The following ABCA1 variants were observed in gnomAD, a reference collection of about 807,000 sequenced individuals.
ABCA1 encodes phospholipid-transporting ATPase ABCA1.
A neutral mutation model predicts 262.5 loss-of-function variants in ABCA1; 133 were observed. That is an observed-to-expected ratio of 0.51 (90% CI 0.44 to 0.59). ABCA1 has a LOEUF of 0.59. Ranked by LOEUF, ABCA1 falls within the 20% of genes least tolerant of loss-of-function variation. The pLI is 0.00. For missense variants in ABCA1, 2,452 were observed against 2,777.5 expected (o/e 0.88, Z 2.63); for synonymous variants, 1,022 against 1,043.5 (o/e 0.98, Z 0.40).
At position 104,831,702 on chromosome 9, in the gene ABCA1, G is replaced by A. The variant is rs9282539; in HGVS notation, c.1635C>T (p.Ser545=). The change falls in exon 13 of 50, where the codon AGC becomes AGT. Residue 545 remains serine, a synonymous_variant. Coordinates refer to ENST00000374736, the MANE Select transcript of ABCA1 (RefSeq NM_005502.4). The part of the protein sequence containing the change: ...GIVFTGITPG[S]IELPHHVKYK... ...ACTTGACATGATGGGGCAGCTCAAT[G>A]CTGCCTGGAGTAATTCCAGTGAACA... 2,477 of 1,614,188 alleles carry A rather than the reference G, an allele frequency of 1.5e-3. 32 individuals carry two copies. The African/African-American group carries it at 0.027, about 18-fold the overall frequency.
rs1828615115 is a variant in ABCA1 at position 104,782,733 on chromosome 9, A to G, written c.*1582T>C. 1 of 152,322 alleles carries G rather than the reference A, an allele frequency of 6.6e-6. No individual in the cohort carries two copies. Among genetic ancestry groups the G allele is most frequent in the East Asian group, 1.9e-4 (1 of 5,190 alleles). The allele number at this position is 152,322 out of a possible 1,614,324, so 9.4% of individuals were successfully genotyped here. On this transcript the variant is annotated 3_prime_UTR_variant, in exon 50 of 50. Transcript: ENST00000374736. ...CAATTATTTGAAGGTACTAAATGCC[A>G]TAAACACAAGTTGTGTTTTTCAGCA...
intron 6 of ABCA1, 55 bp downstream of exon 6, chr9:104,861,624 C>T (rs202161597): frequency 5.0e-6 from 8 of 1,611,450 alleles, no homozygotes; most frequent in Non-Finnish European, 5.9e-6. Flanking sequence ...TTTCCAGTAG[C>T]TGCACAACGT....
At chr9:104,869,459 T>C (rs183278566) in intron 5 of ABCA1, among the ~76,000 whole-genome samples, 80 of 152,288 alleles carry the variant, frequency 5.3e-4, no homozygotes, top group African/African-American at 1.8e-3. Flanking sequence ...TTCTCTGTTA[T>C]ACAAGGGCTG....
chr9:104,800,598 A>G lies in ABCA1; in HGVS notation c.4699-14T>C, dbSNP rs1830245355. On this transcript the variant is annotated splice_polypyrimidine_tract_variant and intron_variant, in intron 34 of 49. Coordinates refer to ENST00000374736, the MANE Select transcript of ABCA1 (RefSeq NM_005502.4). ...TGCAGAACTGTCCTGTAAACAACAG[A>G]AACCTGCCTCAGTTGTGACTGTTCA... is the stretch of plus-strand genomic sequence containing the variant. 6.2e-7 allele frequency: 1 copy of G among 1,613,826 alleles called. No homozygotes were observed. Among genetic ancestry groups the G allele is most frequent in the African/African-American group, 1.3e-5 (1 of 74,946 alleles).
rs77663187 is a variant in ABCA1, at chr9:104,794,512, T to TA, written c.5383-3dup. On this transcript the variant is annotated splice_polypyrimidine_tract_variant and splice_region_variant and intron_variant, in intron 39 of 49. Transcript: ENST00000374736. ...GATATCATTGATATTATTCAGCTTC[T>TA]AAAAAAAAAAAAAAAAAATGGGAGG... The TA allele has an allele frequency of 0.1, 124,513 of 1,250,102 alleles. 3,492 individuals carry two copies. Among genetic ancestry groups the TA allele is most frequent in the African/African-American group, 0.27 (16,438 of 60,750 alleles). 77.4% of individuals were successfully genotyped at this position (1,250,102 alleles called of 1,614,324 possible). A position where few individuals can be genotyped will look rare whatever the true frequency, so the allele number is the denominator to read the frequency against.
intron 5 of ABCA1, among the ~76,000 whole-genome samples, chr9:104,873,181 C>T (rs1007411408): frequency 2.0e-5 from 3 of 152,220 alleles, no homozygotes; most frequent in South Asian, 4.1e-4. Context: ...ACATACAGAA[C>T]GTGAATTGCA....
In ABCA1 at chr9:104,814,490, A is replaced by G; in HGVS notation, c.3739-15T>C. ...TTGAGGAATATCTGGAAAATGAGAG[A>G]GATGAGAACATTATAAGCACCAACA... On this transcript the variant is annotated splice_polypyrimidine_tract_variant and intron_variant, in intron 25 of 49. Coordinates refer to ENST00000374736, the MANE Select transcript of ABCA1 (RefSeq NM_005502.4). The G allele has an allele frequency of 6.2e-7, 1 of 1,613,566 alleles. No homozygotes were observed. The highest frequency in any genetic ancestry group is 8.5e-7 in the Non-Finnish European group (1 of 1,179,480).
intron 5 of ABCA1, among the ~76,000 whole-genome samples, chr9:104,869,257 A>G (rs576157700): frequency 2.0e-5 from 3 of 150,712 alleles, no homozygotes; most frequent in African/African-American, 7.3e-5. Context: ...AAGGAGAAGT[A>G]GGGAAAATCA....
chr9:104,886,665 G>C (rs1839202992), intron 3 of ABCA1, among the ~76,000 whole-genome samples: 1 of 152,232 alleles, frequency 6.6e-6, no homozygotes, highest in South Asian at 2.1e-4. Flanking sequence ...AGGTATTTCA[G>C]GTTATCCCTT....
At chr9:104,866,551 G>A (rs1302820077) in intron 5 of ABCA1, among the ~76,000 whole-genome samples, 1 of 151,586 alleles carries the variant, frequency 6.6e-6, no homozygotes, top group African/African-American at 2.4e-5. Flanking sequence ...CCCGCTCTTG[G>A]CTCATTGCAA....
Position 104,788,386 on chromosome 9 carries a change from T to C in ABCA1, c.6069+40A>G, listed in dbSNP as rs374057848. ...AGCCATAAGGTATATATTGTCAGGA[T>C]GCCAAAGGAGACAGGCTGGCTTTCA... is the stretch of plus-strand genomic sequence containing the variant. On this transcript the variant is annotated intron_variant, in intron 45 of 49. Coordinates refer to ENST00000374736, the MANE Select transcript of ABCA1 (RefSeq NM_005502.4). The C allele has an allele frequency of 2.5e-6, 4 of 1,613,958 alleles. No homozygotes were observed. The South Asian group carries it at 4.4e-5, about 18-fold the overall frequency.
intron 27 of ABCA1, among the ~76,000 whole-genome samples, chr9:104,813,567 C>T (rs1306550101): frequency 6.6e-6 from 1 of 152,182 alleles, no homozygotes; most frequent in African/African-American, 2.4e-5. Flanking sequence ...GCATGTGCCA[C>T]CACACTCGGC....
intron 1 of ABCA1, among the ~76,000 whole-genome samples, chr9:104,906,385 C>T (rs1313224352): frequency 6.6e-6 from 1 of 152,106 alleles, no homozygotes; most frequent in African/African-American, 2.4e-5. Context: ...TTTTCTTGGA[C>T]AGCATTTTCT....
At chr9:104,787,831 T>C in intron 46 of ABCA1, 89 bp downstream of exon 46, 1 of 1,613,154 alleles carries the variant, frequency 6.2e-7, no homozygotes, top group Non-Finnish European at 8.5e-7. Context: ...AAGCCAATCA[T>C]ACAACAGCCC....
intron 1 of ABCA1, among the ~76,000 whole-genome samples, chr9:104,921,557 G>A (rs555720640): frequency 3.3e-5 from 5 of 152,298 alleles, no homozygotes; most frequent in Admixed American, 2.0e-4. Flanking sequence ...TCTACAAAAA[G>A]TAACCTGGCC....
Position 104,787,953 on chromosome 9 carries a change from C to T in ABCA1, c.6171G>A (p.Met2057Ile), listed in dbSNP as rs1829069250. The T allele has an allele frequency of 6.2e-7, 1 of 1,614,102 alleles. No individual in the cohort carries two copies. The highest frequency in any genetic ancestry group is 1.3e-5 in the African/African-American group (1 of 74,932). The change falls in exon 46 of 50, where the codon ATG (methionine) becomes ATA (isoleucine). Residue 2057 changes from methionine (M) to isoleucine (I), a missense_variant. Coordinates refer to ENST00000374736, the MANE Select transcript of ABCA1 (RefSeq NM_005502.4). ...GGNKRKLSTA[M>I]ALIGGPPVVF... is the part of the protein sequence containing the mutation. ...CCACAGGAGGCCCGCCGATCAAAGC[C>T]ATGGCTGTAGAGAGCTTGCGTTTGT...
At chr9:104,855,108 A>G (rs1251343249) in intron 7 of ABCA1, 1 of 971,486 alleles carries the variant, frequency 1.0e-6, no homozygotes, top group Non-Finnish European at 1.2e-6. Flanking sequence ...ACAATATCTG[A>G]GCAAGAATGC....
chr9:104,911,304 G>C (rs1485427530), intron 1 of ABCA1, among the ~76,000 whole-genome samples: 1 of 152,210 alleles, frequency 6.6e-6, no homozygotes, highest in Non-Finnish European at 1.5e-5. Flanking sequence ...ATTAGGACAT[G>C]AAACTTCTAA....
At chr9:104,821,211 C>T (rs1344875394) in intron 20 of ABCA1, among the ~76,000 whole-genome samples, 164 bp downstream of exon 20, 2 of 152,104 alleles carry the variant, frequency 1.3e-5, no homozygotes, top group Non-Finnish European at 2.9e-5. Context: ...CCACTACAGT[C>T]CAGCCTGGCT....
Sources: gnomAD v4.1 joint callset for allele counts (sites outside exome capture counted in the v4.1 genomes callset) on GRCh38, gnomAD v4.1.1 for gene constraint, MANE v1.5 for transcripts, NCBI Gene and HGNC (gene_info 2026-07-23, HGNC 2026-07-21) for gene names.